NTAQ1: variants seen among roughly 807,000 people sequenced by gnomAD.
NTAQ1 encodes the protein N-terminal glutamine amidase 1, also known as protein N-terminal glutamine amidohydrolase.
NTAQ1 carries 21 observed loss-of-function variants against 28.2 expected under a neutral mutation model. The ratio of observed to expected loss-of-function variants is 0.74; its 90% CI spans 0.53 to 1.07. The LOEUF (loss-of-function observed/expected upper bound fraction) is 1.07. Among genes scored for constraint, NTAQ1 ranks in the 50% least tolerant of loss-of-function variants. The probability of loss-of-function intolerance (pLI) is 0.00; values close to 1 mark genes in which losing one functional copy is unlikely to be tolerated. For synonymous variants in NTAQ1, 105 were observed against 90.0 expected (o/e 1.17, Z -0.94); for missense variants, 264 against 256.6 (o/e 1.03, Z -0.20).
chr8:123,445,615 T>A (rs1213104752), downstream of NTAQ1, among the ~76,000 whole-genome samples: 1 of 152,210 alleles, frequency 6.6e-6, no homozygotes, highest in Non-Finnish European at 1.5e-5. Context: ...TTTAAGTTTT[T>A]TGTTTTTTGA....
At chr8:123,449,563 C>G (rs1299691780), downstream of NTAQ1, among the ~76,000 whole-genome samples, 3 of 151,970 alleles carry the variant, frequency 2.0e-5, no homozygotes, top group Non-Finnish European at 2.9e-5. Flanking sequence ...AGCAGTGAGT[C>G]CTGCGCTCAT....
downstream of NTAQ1, among the ~76,000 whole-genome samples, chr8:123,451,609 G>A (rs1347271354): frequency 6.6e-6 from 1 of 152,180 alleles, no homozygotes; most frequent in Non-Finnish European, 1.5e-5. Flanking sequence ...AAAATGCTGG[G>A]ATTACAGGCA....
chr8:123,425,281 A>G (rs759241069), intron 1 of NTAQ1, among the ~76,000 whole-genome samples: 1 of 151,866 alleles, frequency 6.6e-6, no homozygotes, highest in Non-Finnish European at 1.5e-5. Flanking sequence ...TAGTAGAGAC[A>G]GAGTTTCACC....
chr8:123,441,661 A>G lies in NTAQ1; in HGVS notation c.*246A>G, dbSNP rs1586954708. On this transcript the variant is annotated 3_prime_UTR_variant, in exon 6 of 6. Transcript: ENST00000287387. ...AAGATATTCCTGTGGCTCATGCGTTACAACACGAGGACTTAAGCCAGTAAT... is the reference window on the plus strand; with the variant it reads ...AAGATATTCCTGTGGCTCATGCGTTGCAACACGAGGACTTAAGCCAGTAAT... 2.5e-5 allele frequency: 12 copies of G among 489,106 alleles called. No individual in the cohort carries two copies. The East Asian group carries it at 3.8e-4, about 15-fold the overall frequency. 30.3% of individuals were successfully genotyped at this position (489,106 alleles called of 1,614,324 possible).
intron 5 of NTAQ1, among the ~76,000 whole-genome samples, chr8:123,440,554 A>G (rs1444267976): frequency 1.4e-5 from 2 of 147,510 alleles, no homozygotes; most frequent in Non-Finnish European, 3.0e-5. Context: ...GGCTGGAGTG[A>G]AGTGGCGTGA....
chr8:123,423,861 T>C (rs539245509), intron 1 of NTAQ1, among the ~76,000 whole-genome samples: 145 of 141,642 alleles, frequency 1.0e-3, no homozygotes, highest in African/African-American at 3.5e-3. Flanking sequence ...TCATGAACTC[T>C]TTGTAGTTTT....
At chr8:123,448,805 G>A (rs578074781), downstream of NTAQ1, among the ~76,000 whole-genome samples, 3 of 152,170 alleles carry the variant, frequency 2.0e-5, no homozygotes, top group Non-Finnish European at 4.4e-5. Context: ...AAGCCAAATG[G>A]TCTGTGTTCT....
rs1267263614 is a variant in NTAQ1, at chr8:123,416,817, C to T, written c.-33C>T. On this transcript the variant is annotated 5_prime_UTR_variant, in exon 1 of 6. Coordinates refer to ENST00000287387, the MANE Select transcript of NTAQ1 (RefSeq NM_018024.3). ...CCTACGTCTGGTCCAGTCGGTCTTC[C>T]TCCGGCCCGGGCCCTGGCCCAGCTA... 1.3e-6 allele frequency: 2 copies of T among 1,519,192 alleles called. No homozygotes were observed. The highest frequency in any genetic ancestry group is 2.1e-5 in the Admixed American group (1 of 48,224). 94.1% of individuals were successfully genotyped at this position (1,519,192 alleles called of 1,614,324 possible). A position where few individuals can be genotyped will look rare whatever the true frequency, so the allele number is the denominator to read the frequency against.
chr8:123,451,749 A>G (rs529463858), downstream of NTAQ1, among the ~76,000 whole-genome samples: 1 of 152,166 alleles, frequency 6.6e-6, no homozygotes, highest in Non-Finnish European at 1.5e-5. Flanking sequence ...CACTCAACAA[A>G]TATTCCTCAA....
downstream of NTAQ1, among the ~76,000 whole-genome samples, chr8:123,448,847 C>T (rs1385134666): frequency 6.6e-6 from 1 of 152,118 alleles, no homozygotes; most frequent in African/African-American, 2.4e-5. Flanking sequence ...TAGGCTTGTC[C>T]CGTGGGCTAG....
chr8:123,455,491 T>C (rs1707951799), intron 6 of NTAQ1, among the ~76,000 whole-genome samples: 1 of 147,570 alleles, frequency 6.8e-6, no homozygotes, highest in Non-Finnish European at 1.5e-5. Context: ...AGTGGTGCAA[T>C]CTTGGCTCAT....
Position 123,458,027 on chromosome 8 carries a change from C to G in NTAQ1, c.373-9052C>G, listed in dbSNP as rs1167719447. ...CCAACGTGGGCTACAGAGCAAGACT[C>G]TGTCTCAAAAAAAAAAAAAAAAAAG... On this transcript the variant is annotated intron_variant, in intron 6 of 6. Coordinates refer to the NTAQ1 transcript ENST00000650311. Among the ~76,000 whole-genome samples the G allele has an allele frequency of 4.7e-5, 5 of 107,350 alleles. No individual in the cohort carries two copies. The East Asian group carries it at 7.9e-4, about 17-fold the overall frequency. The allele number at this position is 107,350 out of a possible 152,430, so 70.4% of individuals were successfully genotyped here. A position where few individuals can be genotyped will look rare whatever the true frequency, so the allele number is the denominator to read the frequency against.
chr8:123,437,609 A>G (rs1047551499), intron 5 of NTAQ1, among the ~76,000 whole-genome samples: 4 of 151,826 alleles, frequency 2.6e-5, no homozygotes, highest in African/African-American at 9.7e-5. Context: ...AGGCTGAGGC[A>G]GGAGAATGGT....
At chr8:123,433,147 G>C (rs1814499275) in intron 3 of NTAQ1, among the ~76,000 whole-genome samples, 1 of 152,210 alleles carries the variant, frequency 6.6e-6, no homozygotes, top group Non-Finnish European at 1.5e-5. Flanking sequence ...AACTCAGAGA[G>C]TGAGGCCGCT....
At chr8:123,449,943 G>GTGTGTC (rs1815431981), downstream of NTAQ1, among the ~76,000 whole-genome samples, 1 of 15,204 alleles carries the variant, frequency 6.6e-5, no homozygotes. Context: ...GTGTGTGTGT[G>GTGTGTC]TGTGTGCATA....
intron 2 of NTAQ1, among the ~76,000 whole-genome samples, chr8:123,428,683 C>T (rs1348893196): frequency 1.3e-5 from 2 of 149,804 alleles, no homozygotes; most frequent in African/African-American, 4.9e-5. Flanking sequence ...TCACTGCAAC[C>T]TCTGCCTCCC....
chr8:123,423,677 T>C (rs1209555326), intron 1 of NTAQ1, among the ~76,000 whole-genome samples: 4 of 152,116 alleles, frequency 2.6e-5, no homozygotes, highest in African/African-American at 9.7e-5. Context: ...CTACATGATA[T>C]TCGTTATGCT....
At chr8:123,427,767 G>A (rs1222946909) in intron 1 of NTAQ1, among the ~76,000 whole-genome samples, 157 bp from the exon 2 acceptor site, 1 of 152,168 alleles carries the variant, frequency 6.6e-6, no homozygotes, top group Non-Finnish European at 1.5e-5. Flanking sequence ...CAGCTTGTTG[G>A]GATGTTTTAG....
intron 1 of NTAQ1, among the ~76,000 whole-genome samples, chr8:123,417,626 T>C (rs575268338): frequency 1.1e-4 from 16 of 152,236 alleles, no homozygotes; most frequent in African/African-American, 3.4e-4. Context: ...ACCTACTCTT[T>C]CCTGAGTAAT....
Sources: allele counts gnomAD v4.1 joint callset (sites outside exome capture counted in the v4.1 genomes callset), GRCh38; gene constraint gnomAD v4.1.1; transcripts MANE v1.5; gene names NCBI Gene and HGNC (gene_info 2026-07-23, HGNC 2026-07-21).